Variants in PRKCA observed in about 807,000 individuals in gnomAD.
PRKCA encodes protein kinase C alpha, also known as protein kinase C alpha type.
Under a neutral mutation model 87.0 loss-of-function variants are expected in PRKCA, and 27 were observed. The observed-to-expected ratio is 0.31, with a 90% CI of 0.23 to 0.43. PRKCA has a LOEUF of 0.43. PRKCA is among the 20% of genes least tolerant of loss of function. The probability of loss-of-function intolerance (pLI) is 1.00; values close to 1 mark genes in which losing one functional copy is unlikely to be tolerated. For synonymous variants in PRKCA, 329 were observed against 311.1 expected (o/e 1.06, Z -0.61); for missense variants, 518 against 852.3 (o/e 0.61, Z 4.88).
chr17:66,621,127 G>A (rs1970668855), intron 3 of PRKCA, among the ~76,000 whole-genome samples: 1 of 152,198 alleles, frequency 6.6e-6, no homozygotes, highest in African/African-American at 2.4e-5. Context: ...TGTTCATCAA[G>A]ATGAGAGGCT....
At chr17:66,796,416 A>G (rs1325230274) in intron 16 of PRKCA, 16 of 984,376 alleles carry the variant, frequency 1.6e-5, no homozygotes, top group African/African-American at 1.7e-5. Context: ...CTATTCTCCA[A>G]ATCCTCTCCT....
intron 16 of PRKCA, among the ~76,000 whole-genome samples, chr17:66,793,614 AAAC>A (rs200488932): frequency 0.038 from 5,307 of 139,548 alleles, 220 homozygotes; most frequent in East Asian, 0.079. Context: ...AAAAAAAAAA[AAAC>A]CGGAATGTTC....
At chr17:66,484,192 C>G (rs534884657) in intron 2 of PRKCA, among the ~76,000 whole-genome samples, 5 of 152,274 alleles carry the variant, frequency 3.3e-5, no homozygotes, top group African/African-American at 1.2e-4. Flanking sequence ...GGGGAAAGCA[C>G]TCCCATGATT....
chr17:66,682,659 T>TA (rs113576823), intron 5 of PRKCA, among the ~76,000 whole-genome samples: 76 of 152,050 alleles, frequency 5.0e-4, no homozygotes, highest in Middle Eastern at 3.4e-3. Context: ...ATAGATCTTT[T>TA]AAAAAAAAAC....
chr17:66,766,588 A>G (rs1974816721), intron 13 of PRKCA, among the ~76,000 whole-genome samples: 1 of 152,154 alleles, frequency 6.6e-6, no homozygotes, highest in South Asian at 2.1e-4. Context: ...CAGGTGGATC[A>G]CCTGAGGTCA....
chr17:66,345,239 C>G (rs1907288069), intron 2 of PRKCA, among the ~76,000 whole-genome samples: 1 of 152,116 alleles, frequency 6.6e-6, no homozygotes, highest in South Asian at 2.1e-4. Context: ...ACCACCATTA[C>G]TTCCTACACC....
intron 2 of PRKCA, among the ~76,000 whole-genome samples, chr17:66,457,981 G>C (rs1483233967): frequency 6.6e-6 from 1 of 152,070 alleles, no homozygotes; most frequent in East Asian, 1.9e-4. Context: ...TATCCTCATG[G>C]GCTCTTTTTG....
chr17:66,587,401 C>G (rs969071786), intron 3 of PRKCA, among the ~76,000 whole-genome samples: 7 of 152,022 alleles, frequency 4.6e-5, no homozygotes, highest in African/African-American at 1.7e-4. Flanking sequence ...TCTACAGATT[C>G]GTTTGAAACT....
intron 13 of PRKCA, among the ~76,000 whole-genome samples, chr17:66,756,384 C>T (rs192093088): frequency 7.1e-4 from 108 of 152,170 alleles, no homozygotes; most frequent in African/African-American, 2.1e-3. Flanking sequence ...GTGAAGGTCA[C>T]AATCCACAGG....
chr17:66,350,462 A>T (rs1031861307), intron 2 of PRKCA, among the ~76,000 whole-genome samples: 1 of 152,128 alleles, frequency 6.6e-6, no homozygotes, highest in Admixed American at 6.5e-5. Context: ...TAAAAATCTA[A>T]AATTATGTTA....
chr17:66,303,119 T>C (rs1309730343), intron 1 of PRKCA, 95 bp downstream of exon 1: 6 of 1,485,390 alleles, frequency 4.0e-6, no homozygotes, highest in Non-Finnish European at 5.4e-6. Context: ...GCTGGCTCAC[T>C]CCGATAACTT....
chr17:66,788,916 C>A lies in PRKCA; in HGVS notation c.1791C>A (p.Phe597Leu), dbSNP rs1328249752. 6.2e-7 allele frequency: 1 copy of A among 1,614,104 alleles called. No individual in the cohort carries two copies. Among genetic ancestry groups the A allele is most frequent in the South Asian group, 1.1e-5 (1 of 91,058 alleles). The change falls in exon 16 of 17, where the codon TTC (phenylalanine) becomes TTA (leucine). Residue 597 changes from phenylalanine (F) to leucine (L), a missense_variant. Coordinates refer to ENST00000413366, the MANE Select transcript of PRKCA (RefSeq NM_002737.3). ...GGGACGTGAGAGAGCATGCCTTCTT[C>A]CGGAGGATCGACTGGGAAAAACTGG... ...GERDVREHAF[F>L]RRIDWEKLEN...
At chr17:66,487,059 C>G (rs1275740560) in intron 2 of PRKCA, among the ~76,000 whole-genome samples, 1 of 152,162 alleles carries the variant, frequency 6.6e-6, no homozygotes, top group Non-Finnish European at 1.5e-5. Flanking sequence ...ATCTTTTCTT[C>G]TAGCTATTTT....
intron 2 of PRKCA, among the ~76,000 whole-genome samples, chr17:66,316,264 A>G (rs1905311379): frequency 6.6e-6 from 1 of 152,196 alleles, no homozygotes; most frequent in South Asian, 2.1e-4. Context: ...ATGCTTTGCC[A>G]CATACTGATT....
At chr17:66,660,124 A>T (rs1971852436) in intron 5 of PRKCA, among the ~76,000 whole-genome samples, 2 of 152,084 alleles carry the variant, frequency 1.3e-5, no homozygotes, top group African/African-American at 4.8e-5. Context: ...ATCAACAAAA[A>T]AAAAAACAAT....
chr17:66,618,813 A>G (rs1337618476), intron 3 of PRKCA, among the ~76,000 whole-genome samples: 1 of 152,326 alleles, frequency 6.6e-6, no homozygotes, highest in East Asian at 1.9e-4. Flanking sequence ...GAGAATTGCT[A>G]AGGCAACTGT....
At chr17:66,795,965 C>T (rs1280464491) in intron 16 of PRKCA, among the ~76,000 whole-genome samples, 2 of 152,342 alleles carry the variant, frequency 1.3e-5, no homozygotes, top group East Asian at 1.9e-4. Flanking sequence ...CGGAATCAGC[C>T]TTCCTCCAGA....
At chr17:66,642,076 A>G (rs1971310312) in intron 4 of PRKCA, among the ~76,000 whole-genome samples, 1 of 152,066 alleles carries the variant, frequency 6.6e-6, no homozygotes. Flanking sequence ...TTACGTGTGT[A>G]TCTCCATCAA....
chr17:66,319,053 C>T lies in PRKCA; in HGVS notation c.205+12926C>T, dbSNP rs144144400. Among the ~76,000 whole-genome samples, 104 of 152,096 alleles carry T rather than the reference C, an allele frequency of 6.8e-4. 1 individual carries two copies. Among genetic ancestry groups the T allele is most frequent in the African/African-American group, 2.4e-3 (99 of 41,482 alleles). ...TGGAAGTGGGAAGATTGCTTGAGCC[C>T]GGTGGTTGAGGCTGCAGTGAGCCGA... On this transcript the variant is annotated intron_variant, in intron 2 of 16. Transcript: ENST00000413366.
Sources: allele counts gnomAD v4.1 joint callset (sites outside exome capture counted in the v4.1 genomes callset), GRCh38; gene constraint gnomAD v4.1.1; transcripts MANE v1.5; gene names NCBI Gene and HGNC (gene_info 2026-07-23, HGNC 2026-07-21).